The following AFF3 variants were observed in gnomAD, a reference collection of about 807,000 sequenced individuals.
The protein encoded by AFF3 is ALF transcription elongation factor 3.
AFF3 carries 32 observed loss-of-function variants against 129.7 expected under a neutral mutation model. The ratio of observed to expected loss-of-function variants is 0.25; its 90% CI spans 0.19 to 0.33. The LOEUF (loss-of-function observed/expected upper bound fraction) is 0.33, where lower values mean the gene tolerates loss of function less well. AFF3 is among the 10% of genes least tolerant of loss of function. The pLI is 1.00. For missense variants in AFF3, 1,373 were observed against 1,592.0 expected (o/e 0.86, Z 2.34); for synonymous variants, 644 against 635.4 (o/e 1.01, Z -0.20).
At chr2:100,111,980 C>G (rs1486707635) in intron 2 of AFF3, among the ~76,000 whole-genome samples, 1 of 152,220 alleles carries the variant, frequency 6.6e-6, no homozygotes, top group Non-Finnish European at 1.5e-5. Context: ...CTAGCTGGAA[C>G]AACATTCTTC....
At chr2:99,640,767 T>G (rs1396236904) in intron 13 of AFF3, among the ~76,000 whole-genome samples, 1 of 152,194 alleles carries the variant, frequency 6.6e-6, no homozygotes, top group Non-Finnish European at 1.5e-5. Context: ...TGGTTCTTGC[T>G]CTCAGTAGTT....
chr2:99,905,348 T>C (rs989559577), intron 7 of AFF3, among the ~76,000 whole-genome samples: 1 of 152,204 alleles, frequency 6.6e-6, no homozygotes, highest in African/African-American at 2.4e-5. Flanking sequence ...ATCCTGGTCA[T>C]GGTGACCATC....
At chr2:99,812,632 C>CT (rs1686884127) in intron 8 of AFF3, among the ~76,000 whole-genome samples, 2 of 152,190 alleles carry the variant, frequency 1.3e-5, no homozygotes, top group African/African-American at 4.8e-5. Flanking sequence ...TCTTAATTGT[C>CT]TAACGCAATT....
chr2:99,672,182 A>T (rs1205497223), intron 12 of AFF3, among the ~76,000 whole-genome samples: 4 of 17,064 alleles, frequency 2.3e-4, no homozygotes, highest in Non-Finnish European at 8.5e-5. Context: ...AGCTTCTCAC[A>T]CACACACACA....
At chr2:99,859,969 G>T (rs928131603) in intron 7 of AFF3, among the ~76,000 whole-genome samples, 2 of 152,090 alleles carry the variant, frequency 1.3e-5, no homozygotes, top group Admixed American at 6.6e-5. Flanking sequence ...TATTTCAGTG[G>T]TTATTCTTTA....
At chr2:99,689,733 C>T (rs992868771) in intron 11 of AFF3, among the ~76,000 whole-genome samples, 3 of 148,836 alleles carry the variant, frequency 2.0e-5, no homozygotes, top group Admixed American at 2.0e-4. Context: ...AGAGCACAGT[C>T]GATCCACGAC....
At chr2:99,861,066 G>A (rs919084726) in intron 7 of AFF3, among the ~76,000 whole-genome samples, 3 of 152,092 alleles carry the variant, frequency 2.0e-5, no homozygotes, top group African/African-American at 7.2e-5. Context: ...CTCCTTTGTG[G>A]AGAGAATCAG....
chr2:99,810,905 A>C (rs1332550055), intron 8 of AFF3, among the ~76,000 whole-genome samples: 2 of 152,140 alleles, frequency 1.3e-5, no homozygotes, highest in Non-Finnish European at 2.9e-5. Context: ...ACACTGGACA[A>C]GTCTTTCTGA....
intron 4 of AFF3, among the ~76,000 whole-genome samples, chr2:100,042,316 C>T (rs780918273): frequency 3.9e-5 from 6 of 152,232 alleles, no homozygotes; most frequent in Non-Finnish European, 8.8e-5. Context: ...CACCATTATG[C>T]GCCCCGCACT....
chr2:99,828,006 C>A (rs916337325), intron 8 of AFF3, among the ~76,000 whole-genome samples: 4 of 152,124 alleles, frequency 2.6e-5, no homozygotes, highest in African/African-American at 9.7e-5. Context: ...CACAGGTGTG[C>A]AGCAAGCAGG....
intron 19 of AFF3, among the ~76,000 whole-genome samples, chr2:99,567,953 G>C (rs185361037): frequency 5.0e-4 from 76 of 152,312 alleles, no homozygotes; most frequent in South Asian, 3.9e-3. Flanking sequence ...GTGTGGACAA[G>C]AGCTGTACCT....
intron 4 of AFF3, among the ~76,000 whole-genome samples, chr2:100,039,621 A>G (rs1206702435): frequency 6.6e-6 from 1 of 151,762 alleles, no homozygotes; most frequent in Non-Finnish European, 1.5e-5. Context: ...TATTAGCTCT[A>G]CCCGTTAATC....
intron 4 of AFF3, among the ~76,000 whole-genome samples, chr2:100,037,668 A>T (rs1167921999): frequency 8.7e-6 from 1 of 114,518 alleles, no homozygotes; most frequent in Non-Finnish European, 1.7e-5. Flanking sequence ...TTTATATATT[A>T]TTTATATATA....
intron 11 of AFF3, among the ~76,000 whole-genome samples, chr2:99,719,108 A>T (rs1575782641): frequency 1.9e-5 from 2 of 104,500 alleles, no homozygotes; most frequent in South Asian, 2.9e-4. Context: ...GTTTCCTTCT[A>T]GTCCTAGTTG....
In AFF3 at chr2:99,565,719, T is replaced by G. The variant is rs893481499; in HGVS notation, c.2983-96A>C. On this transcript the variant is annotated intron_variant, in intron 19 of 24. Transcript: ENST00000672756. ...ATACACCTTATTTGAGAAACCCAAC[T>G]CTGACTTCTAAAATCCTATGAAGCT... 1.3e-5 allele frequency: 17 copies of G among 1,329,518 alleles called. No individual in the cohort carries two copies. In the African/African-American group the frequency reaches 1.9e-4, roughly 15 times the overall value. 82.4% of individuals were successfully genotyped at this position (1,329,518 alleles called of 1,614,324 possible). A position where few individuals can be genotyped will look rare whatever the true frequency, so the allele number is the denominator to read the frequency against.
At chr2:99,663,705 A>G (rs757525335) in intron 12 of AFF3, among the ~76,000 whole-genome samples, 7 of 152,248 alleles carry the variant, frequency 4.6e-5, no homozygotes, top group Non-Finnish European at 8.8e-5. Flanking sequence ...GTGGCAACAG[A>G]GTTAAAATAA....
chr2:99,582,296 C>T (rs1445590744), intron 17 of AFF3, among the ~76,000 whole-genome samples: 1 of 152,176 alleles, frequency 6.6e-6, no homozygotes, highest in Non-Finnish European at 1.5e-5. Flanking sequence ...CCCAAGTCCC[C>T]TGCTCTTCCC....
intron 11 of AFF3, among the ~76,000 whole-genome samples, chr2:99,701,335 C>T (rs900312317): frequency 6.6e-6 from 1 of 152,142 alleles, no homozygotes; most frequent in Non-Finnish European, 1.5e-5. Context: ...TCTTCGGTAC[C>T]TCATGACTTC....
chr2:99,784,763 A>T (rs1369635597), intron 8 of AFF3, among the ~76,000 whole-genome samples: 1 of 152,234 alleles, frequency 6.6e-6, no homozygotes, highest in African/African-American at 2.4e-5. Flanking sequence ...ATGAAGTATT[A>T]ATAGGTATAT....
Sources: allele counts gnomAD v4.1 joint callset (sites outside exome capture counted in the v4.1 genomes callset), GRCh38; gene constraint gnomAD v4.1.1; transcripts MANE v1.5; gene names NCBI Gene and HGNC (gene_info 2026-07-23, HGNC 2026-07-21).